CPLX2: variants seen among roughly 807,000 people sequenced by gnomAD.
CPLX2 encodes complexin-2.
A neutral mutation model predicts 16.3 loss-of-function variants in CPLX2; 5 were observed. The ratio of observed to expected loss-of-function variants is 0.31; its 90% CI spans 0.16 to 0.64. The LOEUF is 0.64. CPLX2 is among the 30% of genes least tolerant of loss of function. CPLX2 has a pLI of 0.79. For synonymous variants in CPLX2, 89 were observed against 73.2 expected (o/e 1.22, Z -1.10); for missense variants, 144 against 181.4 (o/e 0.79, Z 1.18).
chr5:175,844,095 TA>T (rs1200098282), intron 2 of CPLX2, among the ~76,000 whole-genome samples: 1 of 152,094 alleles, frequency 6.6e-6, no homozygotes, highest in Non-Finnish European at 1.5e-5. Flanking sequence ...TGATCTTCAT[TA>T]AAAGGGGTGG....
chr5:175,856,882 T>C (rs1455641685), intron 2 of CPLX2, among the ~76,000 whole-genome samples: 1 of 152,158 alleles, frequency 6.6e-6, no homozygotes, highest in Admixed American at 6.5e-5. Flanking sequence ...GGGCCTCAGC[T>C]TTCCCAGAAA....
At chr5:175,848,422 G>GGA (rs1759090447) in intron 2 of CPLX2, among the ~76,000 whole-genome samples, 3 of 152,220 alleles carry the variant, frequency 2.0e-5, no homozygotes, top group Admixed American at 6.5e-5. Context: ...TCCAAGAAAG[G>GGA]GAGAAGCAAG....
intron 2 of CPLX2, among the ~76,000 whole-genome samples, chr5:175,825,653 G>A (rs780084129): frequency 9.9e-5 from 15 of 152,238 alleles, no homozygotes; most frequent in Non-Finnish European, 1.6e-4. Flanking sequence ...AGAGTGGGAC[G>A]AGAGTCTCTG....
chr5:175,800,873 T>C (rs1369581874), intron 1 of CPLX2, among the ~76,000 whole-genome samples: 1 of 152,138 alleles, frequency 6.6e-6, no homozygotes, highest in Non-Finnish European at 1.5e-5. Flanking sequence ...AAGGCCTGTG[T>C]GAACTAGTGA....
intron 2 of CPLX2, among the ~76,000 whole-genome samples, chr5:175,829,625 T>G (rs188565506): frequency 7.9e-5 from 12 of 152,314 alleles, no homozygotes; most frequent in Non-Finnish European, 1.3e-4. Flanking sequence ...TATATCTCCA[T>G]CTGAGTGGGG....
intron 1 of CPLX2, among the ~76,000 whole-genome samples, chr5:175,799,674 C>T (rs1758057229): frequency 6.7e-6 from 1 of 149,756 alleles, no homozygotes; most frequent in Admixed American, 6.6e-5. Context: ...CACCACCATG[C>T]CCAGCTATTT....
chr5:175,818,065 C>T (rs550290133), intron 2 of CPLX2, among the ~76,000 whole-genome samples: 3 of 152,308 alleles, frequency 2.0e-5, no homozygotes, highest in African/African-American at 4.8e-5. Context: ...GAAATGAATC[C>T]GTGGCCTTGA....
intron 2 of CPLX2, among the ~76,000 whole-genome samples, chr5:175,855,274 C>T (rs1759232831): frequency 6.6e-6 from 1 of 152,202 alleles, no homozygotes; most frequent in Admixed American, 6.5e-5. Context: ...CCAGCTCTAC[C>T]ATGTGCTAGC....
chr5:175,838,813 C>T (rs1305260318), intron 2 of CPLX2, among the ~76,000 whole-genome samples: 2 of 152,246 alleles, frequency 1.3e-5, no homozygotes, highest in South Asian at 2.1e-4. Context: ...CTTTCTTACC[C>T]ATTTGGCTTC....
At chr5:175,870,011 G>A (rs1023952542), upstream of CPLX2, among the ~76,000 whole-genome samples, 1 of 152,208 alleles carries the variant, frequency 6.6e-6, no homozygotes, top group Non-Finnish European at 1.5e-5. Context: ...CACTTGAAAT[G>A]ACATGATGTC....
chr5:175,801,413 A>G (rs557983295), intron 1 of CPLX2, among the ~76,000 whole-genome samples: 1 of 152,306 alleles, frequency 6.6e-6, no homozygotes, highest in Admixed American at 6.5e-5. Flanking sequence ...GGAAGGCTTC[A>G]TGGAGGTGGG....
At chr5:175,853,139 C>T (rs1212403960) in intron 2 of CPLX2, among the ~76,000 whole-genome samples, 1 of 152,198 alleles carries the variant, frequency 6.6e-6, no homozygotes, top group Admixed American at 6.5e-5. Flanking sequence ...GTTTAAAGTG[C>T]CCATGTGAGG....
intron 1 of CPLX2, among the ~76,000 whole-genome samples, chr5:175,807,036 G>T (rs1286154959): frequency 1.3e-5 from 2 of 152,214 alleles, no homozygotes; most frequent in Non-Finnish European, 2.9e-5. Flanking sequence ...TGGTGGCATT[G>T]CTGTTTTGTT....
chr5:175,807,880 G>A (rs1389887395), intron 1 of CPLX2, among the ~76,000 whole-genome samples: 3 of 152,172 alleles, frequency 2.0e-5, no homozygotes, highest in African/African-American at 7.2e-5. Flanking sequence ...GATCCCTGTG[G>A]GAATCCCTGA....
chr5:175,851,099 C>T (rs892215331), intron 2 of CPLX2, among the ~76,000 whole-genome samples: 11 of 151,928 alleles, frequency 7.2e-5, no homozygotes, highest in Admixed American at 2.0e-4. Flanking sequence ...ATAAGTGTGG[C>T]TCAGGGCATC....
At chr5:175,876,623 A>G (rs1188056449) in intron 1 of CPLX2, among the ~76,000 whole-genome samples, 1 of 152,222 alleles carries the variant, frequency 6.6e-6, no homozygotes, top group African/African-American at 2.4e-5. Context: ...CATCTGATCC[A>G]GGAGAGAGAC....
rs556959235 is a variant in CPLX2, at chr5:175,835,558, A to T, written c.-89+26490A>T. 2.3e-4 allele frequency among the ~76,000 whole-genome samples: 35 copies of T among 152,226 alleles called. No individual in the cohort carries two copies. The South Asian group carries it at 7.3e-3, about 32-fold the overall frequency. The stretch of plus-strand genomic sequence containing the variant: ...ACACGGATGCAAAAATCCTCACAAA[A>T]TATTAGCAAATGGAATCCAACCATC... On this transcript the variant is annotated intron_variant, in intron 2 of 4. Coordinates refer to the CPLX2 transcript ENST00000359546.
exon 1 of CPLX2, chr5:175,796,595 T>C (rs1757979698): frequency 6.6e-6 from 1 of 152,404 alleles, no homozygotes; most frequent in African/African-American, 2.4e-5. Context: ...CTGGGCTCTG[T>C]GCCCTGCAGC....
At chr5:175,808,386 G>A (rs1041558625) in intron 1 of CPLX2, among the ~76,000 whole-genome samples, 5 of 151,874 alleles carry the variant, frequency 3.3e-5, no homozygotes, top group Admixed American at 1.3e-4. Flanking sequence ...GTCATGTAAC[G>A]GCCAACCTTT....
Sources: allele counts gnomAD v4.1 joint callset (sites outside exome capture counted in the v4.1 genomes callset), GRCh38; gene constraint gnomAD v4.1.1; transcripts MANE v1.5; gene names NCBI Gene and HGNC (gene_info 2026-07-23, HGNC 2026-07-21).